The following TTLL5 variants were observed in gnomAD, a reference collection of about 807,000 sequenced individuals.
TTLL5 encodes the protein tubulin polyglutamylase TTLL5.
A neutral mutation model predicts 168.4 loss-of-function variants in TTLL5; 132 were observed. The observed-to-expected ratio is 0.78, with a 90% CI of 0.68 to 0.91. TTLL5 has a LOEUF of 0.91. Among genes scored for constraint, TTLL5 ranks in the 40% least tolerant of loss-of-function variants. TTLL5 has a pLI of 0.00. For synonymous variants in TTLL5, 546 were observed against 558.6 expected (o/e 0.98, Z 0.32); for missense variants, 1,545 against 1,581.5 (o/e 0.98, Z 0.39).
At chr14:75,807,342 G>A (rs1380760443) in intron 27 of TTLL5, among the ~76,000 whole-genome samples, 1 of 152,156 alleles carries the variant, frequency 6.6e-6, no homozygotes, top group Non-Finnish European at 1.5e-5. Context: ...CAGCTACTCT[G>A]GAGGCTGAGG....
Position 75,863,844 on chromosome 14 carries a change from G to C in TTLL5, c.3504G>C (p.Gln1168His). The change falls in exon 29 of 32, where the codon CAG (glutamine) becomes CAC (histidine). Residue 1168 changes from glutamine (Q) to histidine (H), a missense_variant. Gln to His is a conservative substitution (Grantham distance 24). Transcript: ENST00000298832. ...TTCAGTCCCGGCAGCTCCTGGACCA[G>C]AGTCGAGCCCGGCACCAGGTAATTC... ...QKLQSRQLLD[Q>H]SRARHQAIFG... is the part of the protein sequence containing the mutation. 1 of 1,505,982 alleles carries C rather than the reference G, an allele frequency of 6.6e-7. No individual in the cohort carries two copies. Among genetic ancestry groups the C allele is most frequent in the Non-Finnish European group, 9.0e-7 (1 of 1,114,376 alleles). The allele number at this position is 1,505,982 out of a possible 1,614,324, so 93.3% of individuals were successfully genotyped here. A position where few individuals can be genotyped will look rare whatever the true frequency, so the allele number is the denominator to read the frequency against.
intron 18 of TTLL5, among the ~76,000 whole-genome samples, chr14:75,756,787 C>T (rs1594979110): frequency 6.6e-6 from 1 of 152,000 alleles, no homozygotes; most frequent in Admixed American, 6.6e-5. Context: ...GAATTACAGG[C>T]ATGAGCCACT....
chr14:75,729,103 T>A (rs571982213), intron 12 of TTLL5, among the ~76,000 whole-genome samples: 1 of 152,276 alleles, frequency 6.6e-6, no homozygotes, highest in South Asian at 2.1e-4. Context: ...TAAGTTTGCT[T>A]TGGTTTGGCT....
chr14:75,763,614 G>A (rs916776672), intron 18 of TTLL5, among the ~76,000 whole-genome samples: 3 of 152,166 alleles, frequency 2.0e-5, no homozygotes, highest in African/African-American at 4.8e-5. Context: ...GCGTTTGAGC[G>A]TAGAGAGTTG....
At chr14:75,947,585 G>A (rs548994062) in intron 31 of TTLL5, among the ~76,000 whole-genome samples, 2 of 152,254 alleles carry the variant, frequency 1.3e-5, no homozygotes, top group East Asian at 3.9e-4. Flanking sequence ...ATATTGGAAG[G>A]TTTTAATGTA....
intron 26 of TTLL5, among the ~76,000 whole-genome samples, chr14:75,786,518 G>C (rs867272588): frequency 2.0e-5 from 3 of 152,094 alleles, no homozygotes. Context: ...TGTGGTCAGA[G>C]AACATAATCT....
intron 31 of TTLL5, among the ~76,000 whole-genome samples, chr14:75,928,962 C>A (rs191307984): frequency 1.9e-4 from 29 of 152,230 alleles, no homozygotes; most frequent in Non-Finnish European, 1.5e-5. Context: ...TTTTAAGCAT[C>A]GTAAAGCATC....
At chr14:75,928,524 A>G (rs932384110) in intron 31 of TTLL5, among the ~76,000 whole-genome samples, 49 of 151,906 alleles carry the variant, frequency 3.2e-4, no homozygotes, top group Middle Eastern at 3.4e-3. Flanking sequence ...TTCAGAGAGC[A>G]TTAGAATTAA....
intron 31 of TTLL5, among the ~76,000 whole-genome samples, chr14:75,918,506 G>A (rs562015396): frequency 5.3e-5 from 8 of 152,234 alleles, no homozygotes. Context: ...ACTAGTACAT[G>A]GAGTTGGGGG....
chr14:75,767,470 C>T (rs1172779859), intron 20 of TTLL5, among the ~76,000 whole-genome samples: 1 of 152,120 alleles, frequency 6.6e-6, no homozygotes, highest in Non-Finnish European at 1.5e-5. Flanking sequence ...GAGGTAAGTC[C>T]TGAATGATGA....
In TTLL5 at chr14:75,830,384, A is replaced by G. The variant is rs542768499; in HGVS notation, c.3326+10223A>G. Among the ~76,000 whole-genome samples, 21 of 152,342 alleles carry G rather than the reference A, an allele frequency of 1.4e-4. No individual in the cohort carries two copies. The South Asian group carries it at 3.7e-3, about 27-fold the overall frequency. The stretch of plus-strand genomic sequence containing the variant: ...CCTATTATTGTACAACATGGTGACT[A>G]TAATTAATAACAATGTATTATATAC... On this transcript the variant is annotated intron_variant, in intron 28 of 31. Coordinates refer to ENST00000298832, the MANE Select transcript of TTLL5 (RefSeq NM_015072.5).
chr14:75,917,397 A>G (rs1216853520), intron 31 of TTLL5, among the ~76,000 whole-genome samples: 2 of 152,220 alleles, frequency 1.3e-5, no homozygotes, highest in Non-Finnish European at 2.9e-5. Flanking sequence ...CTGCTTCTTC[A>G]TCTGAAAACT....
At chr14:75,818,935 T>C (rs748995275) in intron 27 of TTLL5, among the ~76,000 whole-genome samples, 189 of 152,342 alleles carry the variant, frequency 1.2e-3, no homozygotes, top group Non-Finnish European at 2.4e-3. Flanking sequence ...CACAGTATAA[T>C]GTAGTGAGTA....
intron 30 of TTLL5, among the ~76,000 whole-genome samples, chr14:75,895,084 A>G (rs1436486123): frequency 6.6e-6 from 1 of 152,236 alleles, no homozygotes; most frequent in East Asian, 1.9e-4. Context: ...ATCTTTTTGG[A>G]CCAGCACTTA....
intron 31 of TTLL5, chr14:75,904,202 C>CAAAAAAA: frequency 2.0e-6 from 2 of 986,522 alleles, no homozygotes; most frequent in African/African-American, 2.2e-5. Context: ...CTCACTCCTC[C>CAAAAAAA]AAAAAAAAAA....
chr14:75,744,004 T>A (rs1424983192), intron 15 of TTLL5, among the ~76,000 whole-genome samples: 1 of 152,172 alleles, frequency 6.6e-6, no homozygotes, highest in Admixed American at 6.5e-5. Context: ...AGGTTAGGAC[T>A]TCAACATGAG....
chr14:75,937,663 C>G (rs1314828255), intron 31 of TTLL5, among the ~76,000 whole-genome samples: 12 of 152,144 alleles, frequency 7.9e-5, no homozygotes, highest in African/African-American at 2.9e-4. Flanking sequence ...GCATAGTGTT[C>G]TCCAGGTTCA....
intron 31 of TTLL5, among the ~76,000 whole-genome samples, chr14:75,913,843 G>A (rs1021631722): frequency 1.3e-5 from 2 of 150,712 alleles, no homozygotes; most frequent in South Asian, 2.1e-4. Context: ...ACGAAACCCT[G>A]TCTCTATTAA....
chr14:75,864,011 C>G (rs1463256762), intron 29 of TTLL5, 149 bp downstream of exon 29: 4 of 744,472 alleles, frequency 5.4e-6, no homozygotes, highest in Non-Finnish European at 7.9e-6. Context: ...GGGGAGTCTA[C>G]TCTTGAGGAA....
Sources: gnomAD v4.1 joint callset for allele counts (sites outside exome capture counted in the v4.1 genomes callset) on GRCh38, gnomAD v4.1.1 for gene constraint, MANE v1.5 for transcripts, NCBI Gene and HGNC (gene_info 2026-07-23, HGNC 2026-07-21) for gene names.